C7: variants seen among roughly 807,000 people sequenced by gnomAD.
C7 encodes the protein complement component C7.
C7 carries 83 observed loss-of-function variants against 104.8 expected under a neutral mutation model. The observed-to-expected ratio is 0.79, with a 90% CI of 0.66 to 0.95. C7 has a LOEUF of 0.95. Among genes scored for constraint, C7 ranks in the 40% least tolerant of loss-of-function variants. The pLI is 0.00. For synonymous variants in C7, 415 were observed against 360.6 expected (o/e 1.15, Z -1.71); for missense variants, 1,070 against 1,011.2 (o/e 1.06, Z -0.79).
At position 40,958,042 on chromosome 5, in the gene C7, T is replaced by G. The variant is rs1411622364; in HGVS notation, c.1270T>G (p.Leu424Val). The G allele has an allele frequency of 1.2e-6, 2 of 1,611,572 alleles. No homozygotes were observed. The highest frequency in any genetic ancestry group is 1.7e-5 in the Admixed American group (1 of 59,876). Residue 424 changes from leucine (L) to valine (V), a missense_variant, in exon 11 of 18, where the codon TTA becomes GTA. By Grantham distance (32) the Leu-to-Val change is conservative. Transcript: ENST00000313164. ...GTCTTTATCTCTATAGCTGACACCT[T>G]TATATGAGCTGGTAAAGGAAGTACC... ...PQVIKQKLTP[L>V]YELVKEVPCA...
At chr5:40,948,686 G>T (rs1740101474) in intron 8 of C7, among the ~76,000 whole-genome samples, 1 of 152,140 alleles carries the variant, frequency 6.6e-6, no homozygotes, top group Non-Finnish European at 1.5e-5. Context: ...CCTCTTCAGA[G>T]ACTAGCCTTG....
In C7 at chr5:40,951,673, T is replaced by C. The variant is rs10472350; in HGVS notation, c.1093+1659T>C. Among the ~76,000 whole-genome samples the C allele has an allele frequency of 4.9e-3, 738 of 152,000 alleles. 7 individuals are homozygous for C. Among genetic ancestry groups the C allele is most frequent in the African/African-American group, 0.017 (709 of 41,434 alleles). On this transcript the variant is annotated intron_variant, in intron 9 of 17. Transcript: ENST00000313164. ...AAGAGATTCCATAGTATGGTAGGGGTGTAAGTGAGACTGCAATGCATTGTG... is the reference window on the plus strand; with the variant it reads ...AAGAGATTCCATAGTATGGTAGGGGCGTAAGTGAGACTGCAATGCATTGTG...
intron 1 of C7, among the ~76,000 whole-genome samples, chr5:40,911,802 G>T (rs187654561): frequency 1.3e-5 from 2 of 149,796 alleles, no homozygotes; most frequent in African/African-American, 4.9e-5. Flanking sequence ...GCAGAGGTAC[G>T]ATCTCTGCTC....
chr5:40,974,030 T>C (rs1207811935), intron 15 of C7, among the ~76,000 whole-genome samples: 1 of 152,250 alleles, frequency 6.6e-6, no homozygotes, highest in African/African-American at 2.4e-5. Context: ...TTGGCTGTTC[T>C]AGTATTTAGT....
chr5:40,940,923 G>T (rs1052969604), intron 6 of C7, among the ~76,000 whole-genome samples: 4 of 151,922 alleles, frequency 2.6e-5, no homozygotes, highest in Non-Finnish European at 5.9e-5. Context: ...ATACTTACAA[G>T]CATTTTATAT....
In C7 at chr5:40,958,024, T is replaced by C. The variant is rs192190833; in HGVS notation, c.1261-9T>C. 340 of 1,592,914 alleles carry C rather than the reference T, an allele frequency of 2.1e-4. 2 individuals are homozygous for C. In the African/African-American group the frequency reaches 3.6e-3, roughly 17 times the overall value. On this transcript the variant is annotated splice_polypyrimidine_tract_variant and intron_variant, in intron 10 of 17. Coordinates refer to ENST00000313164, the MANE Select transcript of C7 (RefSeq NM_000587.4). ...CTGATTACTGACTATAATGTCTTTA[T>C]CTCTATAGCTGACACCTTTATATGA... is the stretch of plus-strand genomic sequence containing the variant.
In C7 at chr5:40,959,594, C is replaced by A. The variant is rs201282493; in HGVS notation, c.1635C>A (p.Cys545Ter). 2.5e-6 allele frequency: 4 copies of A among 1,603,378 alleles called. No homozygotes were observed. Among genetic ancestry groups the A allele is most frequent in the Non-Finnish European group, 3.4e-6 (4 of 1,175,208 alleles). The change falls in exon 12 of 18, where the codon TGC becomes TGA. Residue 545 changes from cysteine to a stop codon, truncating the protein, a stop_gained. Transcript: ENST00000313164. LOFTEE classifies it high-confidence loss of function. ...GAGAAACGACAGAAAGCACACAATG[C>A]GAAGATGAGGAGCTGGAGCACTTGA... ...CVGETTESTQCEDEELEHLRL... is the reference protein window; with the variant it reads ...CVGETTESTQ
intron 8 of C7, 114 bp from the exon 9 acceptor site, chr5:40,949,790 T>C (rs1411558005): frequency 1.4e-6 from 1 of 691,406 alleles, no homozygotes; most frequent in East Asian, 2.7e-5. Context: ...ATCATGTCAC[T>C]CTTGATTAGA....
At chr5:40,939,949 T>C (rs570832247) in intron 6 of C7, among the ~76,000 whole-genome samples, 19 of 152,300 alleles carry the variant, frequency 1.2e-4, no homozygotes, top group Non-Finnish European at 1.9e-4. Context: ...TAGAGGGAAA[T>C]TATAGCCTGC....
intron 9 of C7, among the ~76,000 whole-genome samples, chr5:40,950,457 G>T (rs999285875): frequency 1.3e-5 from 2 of 151,990 alleles, no homozygotes; most frequent in Admixed American, 1.3e-4. Flanking sequence ...TCATTGATGG[G>T]CATTTAGGTT....
intron 17 of C7, among the ~76,000 whole-genome samples, chr5:40,981,065 G>C (rs1376245475): frequency 4.6e-5 from 7 of 151,942 alleles, no homozygotes; most frequent in Admixed American, 2.6e-4. Flanking sequence ...CTTTGTTGAG[G>C]GCTTCTCATT....
chr5:40,924,412 T>G (rs569957703), intron 1 of C7, among the ~76,000 whole-genome samples: 67 of 152,220 alleles, frequency 4.4e-4, no homozygotes, highest in Non-Finnish European at 7.9e-4. Flanking sequence ...CTCTCATGGG[T>G]TGGAGTTGAG....
chr5:40,979,315 T>A (rs1319570830), intron 16 of C7, among the ~76,000 whole-genome samples: 1 of 152,210 alleles, frequency 6.6e-6, no homozygotes, highest in Non-Finnish European at 1.5e-5. Flanking sequence ...GCTGTTGGGC[T>A]GGGATGAGCT....
intron 14 of C7, 91 bp from the exon 15 acceptor site, chr5:40,972,312 A>T (rs1293567443): frequency 2.9e-6 from 3 of 1,028,246 alleles, no homozygotes; most frequent in Non-Finnish European, 4.4e-6. Flanking sequence ...ATGAAAAAGC[A>T]GAACAAGTGT....
chr5:40,925,285 C>T lies in C7; in HGVS notation c.7-3295C>T, dbSNP rs113813937. ...TATCACTCTTAAGTTCAAACTTCTACAGATCCCTAGGGCATAAACAGAGTG... is the reference window on the plus strand; with the variant it reads ...TATCACTCTTAAGTTCAAACTTCTATAGATCCCTAGGGCATAAACAGAGTG... On this transcript the variant is annotated intron_variant, in intron 1 of 17. Transcript: ENST00000313164. 2.1e-3 allele frequency among the ~76,000 whole-genome samples: 323 copies of T among 152,240 alleles called. 1 individual carries two copies. Among genetic ancestry groups the T allele is most frequent in the African/African-American group, 7.5e-3 (310 of 41,532 alleles).
chr5:40,928,086 G>T (rs12110278), intron 1 of C7, among the ~76,000 whole-genome samples: 34,368 of 151,908 alleles, frequency 0.23, 4,035 homozygotes, highest in East Asian at 0.31. Context: ...CCTTAAAAAG[G>T]AGGAAATTCT....
intron 15 of C7, among the ~76,000 whole-genome samples, chr5:40,976,493 A>G (rs1036180685): frequency 2.6e-5 from 4 of 152,236 alleles, no homozygotes; most frequent in Admixed American, 6.5e-5. Flanking sequence ...ATCCCAATGT[A>G]TAAAAAGTGC....
rs117150785 is a variant in C7 at position 40,916,315 on chromosome 5, T to A, written c.6+6699T>A. 4.1e-4 allele frequency among the ~76,000 whole-genome samples: 62 copies of A among 152,294 alleles called. No individual in the cohort carries two copies. The East Asian group carries it at 8.1e-3, about 20-fold the overall frequency. ...GGCTTGTGCTATCACATAAAGATGA[T>A]CATAAAAGGCCTCAGGAGTGTTTTA... On this transcript the variant is annotated intron_variant, in intron 1 of 17. Transcript: ENST00000313164.
chr5:40,974,743 T>A (rs1740778402), intron 15 of C7, among the ~76,000 whole-genome samples: 1 of 152,328 alleles, frequency 6.6e-6, no homozygotes. Context: ...TTAAGCAAAC[T>A]TTTAAAATCT....
Sources: gnomAD v4.1 joint callset for allele counts (sites outside exome capture counted in the v4.1 genomes callset) on GRCh38, gnomAD v4.1.1 for gene constraint, MANE v1.5 for transcripts, NCBI Gene and HGNC (gene_info 2026-07-23, HGNC 2026-07-21) for gene names.